Variants in CTNND2 observed in about 807,000 individuals in gnomAD.
CTNND2 encodes catenin delta-2.
Under a neutral mutation model 144.4 loss-of-function variants are expected in CTNND2, and 22 were observed. The ratio of observed to expected loss-of-function variants is 0.15; its 90% CI spans 0.11 to 0.22. The LOEUF (loss-of-function observed/expected upper bound fraction) is 0.22. Ranked by LOEUF, CTNND2 falls within the 10% of genes least tolerant of loss-of-function variation. The pLI is 1.00. For missense variants in CTNND2, 1,353 were observed against 1,618.8 expected, an observed-to-expected ratio of 0.84 and a Z score of 2.82; for synonymous variants, 751 against 695.6, an observed-to-expected ratio of 1.08 and a Z score of -1.25.
chr5:11,004,140 A>G (rs1229650282), intron 18 of CTNND2, among the ~76,000 whole-genome samples: 1 of 152,240 alleles, frequency 6.6e-6, no homozygotes, highest in Admixed American at 6.5e-5. Flanking sequence ...CAAAACAAAC[A>G]AAGAAACGAA....
intron 1 of CTNND2, among the ~76,000 whole-genome samples, chr5:11,802,561 C>G (rs1181073029): frequency 6.8e-6 from 1 of 146,528 alleles, no homozygotes; most frequent in Non-Finnish European, 1.5e-5. Context: ...GAGCGAAACT[C>G]CATCTCAAAA....
chr5:11,384,912 G>A lies in CTNND2; in HGVS notation c.930C>T (p.Ser310=), dbSNP rs751835618. ...PKQSPSRLAK[S]YSTSSPINIV... is the part of the protein sequence containing the mutation. ...TGTTGATGGGCGAGCTGGTGCTGTA[G>A]GACTTGGCCAGGCGGCTGGGCGACT... is the stretch of plus-strand genomic sequence containing the variant. The change falls in exon 7 of 22, where the codon TCC becomes TCT. Residue 310 remains serine (S), a synonymous_variant. Transcript: ENST00000304623. This position sits in a 1 kb window ranked among gnomAD's most constrained non-coding sequence, Gnocchi z 5.2. 6 of 1,607,560 alleles carry A rather than the reference G, an allele frequency of 3.7e-6. No individual in the cohort carries two copies. The East Asian group carries it at 6.7e-5, about 18-fold the overall frequency.
At position 11,411,624 on chromosome 5, in the gene CTNND2, A is replaced by G; in HGVS notation, c.351T>C (p.Leu117=). 6.2e-7 allele frequency: 1 copy of G among 1,610,920 alleles called. No individual in the cohort carries two copies. Among genetic ancestry groups the G allele is most frequent in the Non-Finnish European group, 8.5e-7 (1 of 1,177,626 alleles). Residue 117 remains leucine, a synonymous_variant, in exon 5 of 22, where the codon CTT becomes CTC. Coordinates refer to ENST00000304623, the MANE Select transcript of CTNND2 (RefSeq NM_001332.4). ...AGTCCACCAGCTCGAGACCTGTTGT[A>G]AGCTCATCTTCGATATCTTTTTGAC... The part of the protein sequence containing the change: ...QDGQKDIEDE[L]TTGLELVDSC...
chr5:11,104,969 C>T (rs965710146), intron 14 of CTNND2, among the ~76,000 whole-genome samples: 5 of 152,236 alleles, frequency 3.3e-5, no homozygotes, highest in Non-Finnish European at 7.3e-5. Flanking sequence ...GGTGAGCACA[C>T]ATCCCTCAGG....
chr5:11,428,029 T>C (rs1479629853), intron 3 of CTNND2, among the ~76,000 whole-genome samples: 3 of 152,066 alleles, frequency 2.0e-5, no homozygotes, highest in African/African-American at 4.8e-5. Flanking sequence ...AAACCCCTGA[T>C]AAACCCATCA....
intron 16 of CTNND2, among the ~76,000 whole-genome samples, chr5:11,065,212 C>A (rs1747435354): frequency 6.6e-6 from 1 of 152,172 alleles, no homozygotes; most frequent in Admixed American, 6.5e-5. Context: ...GTCACCTGGG[C>A]CTTTCCCACG....
At chr5:11,558,493 G>A (rs757714791) in intron 3 of CTNND2, among the ~76,000 whole-genome samples, 4 of 152,110 alleles carry the variant, frequency 2.6e-5, no homozygotes, top group African/African-American at 7.2e-5. Context: ...AGCCTCCAGC[G>A]TAGCTGGAAC....
chr5:11,178,012 C>T (rs973800680), intron 11 of CTNND2, among the ~76,000 whole-genome samples: 8 of 152,110 alleles, frequency 5.3e-5, no homozygotes, highest in East Asian at 1.9e-4. Flanking sequence ...GTGGTGTTGG[C>T]GAAGGCAAAG....
At position 11,529,273 on chromosome 5, in the gene CTNND2, G is replaced by A. The variant is rs1773531256; in HGVS notation, c.287+35671C>T. On this transcript the variant is annotated intron_variant, in intron 3 of 21. Transcript: ENST00000304623. Reference sequence around the variant, plus strand: ...AAAACAAAACAAAACAACAACAACAGCAAAAACAGAGATATTGTGTTTAGG... The same window carrying A: ...AAAACAAAACAAAACAACAACAACAACAAAAACAGAGATATTGTGTTTAGG... 2.0e-5 allele frequency among the ~76,000 whole-genome samples: 3 copies of A among 152,088 alleles called. No individual in the cohort carries two copies. The South Asian group carries it at 6.2e-4, about 31-fold the overall frequency.
chr5:11,135,872 C>T (rs576385908), intron 12 of CTNND2, among the ~76,000 whole-genome samples: 65 of 152,314 alleles, frequency 4.3e-4, no homozygotes, highest in Middle Eastern at 3.4e-3. Flanking sequence ...TTTGCCCTTG[C>T]TCTCCATCTG....
chr5:11,017,848 A>G, intron 18 of CTNND2, 126 bp downstream of exon 18: 1 of 720,480 alleles, frequency 1.4e-6, no homozygotes, highest in East Asian at 2.7e-5. Flanking sequence ...TGGCTTCTTC[A>G]CTGATTCTCG....
intron 14 of CTNND2, among the ~76,000 whole-genome samples, chr5:11,105,746 G>A (rs182293406): frequency 5.1e-4 from 78 of 152,316 alleles, no homozygotes; most frequent in African/African-American, 1.7e-3. Context: ...AATGGCAGAC[G>A]AGAGTTGCTG....
intron 2 of CTNND2, among the ~76,000 whole-genome samples, chr5:11,662,233 G>GTA (rs1282348853): frequency 4.8e-4 from 63 of 130,216 alleles, no homozygotes; most frequent in African/African-American, 1.6e-3. Flanking sequence ...GTGTATATAT[G>GTA]TATATATATA....
chr5:11,224,430 AC>A (rs1740113261), intron 10 of CTNND2, among the ~76,000 whole-genome samples: 1 of 152,092 alleles, frequency 6.6e-6, no homozygotes, highest in African/African-American at 2.4e-5. Context: ...AAACCCCTCC[AC>A]CGAGGCCTGG....
At chr5:11,434,026 T>A (rs939464680) in intron 3 of CTNND2, among the ~76,000 whole-genome samples, 2 of 152,190 alleles carry the variant, frequency 1.3e-5, no homozygotes, top group African/African-American at 4.8e-5. Flanking sequence ...TAAAAGAATG[T>A]ACTTAGTAGT....
intron 16 of CTNND2, among the ~76,000 whole-genome samples, chr5:11,081,072 T>TCACACACA (rs55951127): frequency 0.016 from 2,264 of 145,030 alleles, 27 homozygotes; most frequent in Non-Finnish European, 0.018. Context: ...TGAGACCCTG[T>TCACACACA]CACACACACA....
intron 7 of CTNND2, among the ~76,000 whole-genome samples, chr5:11,373,771 G>T (rs1421032328): frequency 6.6e-6 from 1 of 152,194 alleles, no homozygotes; most frequent in Non-Finnish European, 1.5e-5. Context: ...CTTTAAGGCT[G>T]AAGCTTCAGA....
At chr5:11,051,804 G>GT (rs1172001028) in intron 16 of CTNND2, among the ~76,000 whole-genome samples, 3 of 152,182 alleles carry the variant, frequency 2.0e-5, no homozygotes, top group African/African-American at 7.2e-5. Context: ...CAAAAGGCAA[G>GT]TAAGAGTGGC....
intron 11 of CTNND2, among the ~76,000 whole-genome samples, chr5:11,162,113 A>G (rs2149772014): frequency 6.6e-6 from 1 of 151,830 alleles, no homozygotes; most frequent in East Asian, 1.9e-4. Context: ...AGATCGTGCC[A>G]CTGTACTCCA....
Sources: allele counts gnomAD v4.1 joint callset (sites outside exome capture counted in the v4.1 genomes callset), GRCh38; gene constraint gnomAD v4.1.1; non-coding constraint Gnocchi (gnomAD v3.1); transcripts MANE v1.5; gene names NCBI Gene and HGNC (gene_info 2026-07-23, HGNC 2026-07-21).